The following CDK6 variants were observed in gnomAD, a reference collection of about 807,000 sequenced individuals.
The protein encoded by CDK6 is cyclin dependent kinase 6, also known as cyclin-dependent kinase 6.
A neutral mutation model predicts 37.1 loss-of-function variants in CDK6; 6 were observed. The observed-to-expected ratio is 0.16, with a 90% CI of 0.09 to 0.32. CDK6 has a LOEUF of 0.32. Among genes scored for constraint, CDK6 ranks in the 10% least tolerant of loss-of-function variants. The probability of loss-of-function intolerance (pLI) is 1.00; values close to 1 mark genes in which losing one functional copy is unlikely to be tolerated. For synonymous variants in CDK6, 160 were observed against 161.3 expected, an observed-to-expected ratio of 0.99 and a Z score of 0.06; for missense variants, 224 against 418.9, an observed-to-expected ratio of 0.53 and a Z score of 4.06.
At chr7:92,825,398 C>T (rs775864159) in intron 2 of CDK6, among the ~76,000 whole-genome samples, 5 of 152,012 alleles carry the variant, frequency 3.3e-5, no homozygotes. Flanking sequence ...CTGCAAGGAA[C>T]AAGACAACAC....
rs934266381 is a variant in CDK6, at chr7:92,835,971, CGTGGAGGGGAAG to C, written c.-368+495_-368+506del. On this transcript the variant is annotated intron_variant, in intron 1 of 7. Coordinates refer to ENST00000424848, the MANE Select transcript of CDK6 (RefSeq NM_001145306.2). The surrounding 1 kb of genome is among the most constrained non-coding windows in gnomAD (Gnocchi z 4.2). ...AGGAAGCCTGCGTTAACATTTATCT[CGTGGAGGGGAAG>C]GTGGAGCCCACACCCACACCTCAGC... Among the ~76,000 whole-genome samples the C allele has an allele frequency of 7.9e-5, 12 of 152,312 alleles. No homozygotes were observed. Among genetic ancestry groups the C allele is most frequent in the African/African-American group, 1.9e-4 (8 of 41,570 alleles).
At chr7:92,750,440 G>A (rs902325011) in intron 3 of CDK6, among the ~76,000 whole-genome samples, 4 of 152,132 alleles carry the variant, frequency 2.6e-5, no homozygotes, top group Non-Finnish European at 5.9e-5. Flanking sequence ...TCCAGTTTTG[G>A]TTACAATCCT....
At chr7:92,695,854 C>T (rs976439518) in intron 4 of CDK6, among the ~76,000 whole-genome samples, 3 of 152,174 alleles carry the variant, frequency 2.0e-5, no homozygotes, top group Admixed American at 6.5e-5. Flanking sequence ...GCAGCTCTCA[C>T]GTTAACCCCT....
At chr7:92,816,012 A>G (rs1372977590) in intron 2 of CDK6, among the ~76,000 whole-genome samples, 1 of 152,174 alleles carries the variant, frequency 6.6e-6, no homozygotes, top group Non-Finnish European at 1.5e-5. Context: ...CCTCTCCCCA[A>G]CAACAAAAGA....
At position 92,833,537 on chromosome 7, in the gene CDK6, C is replaced by G. The variant is rs1238678325; in HGVS notation, c.-214G>C. The stretch of plus-strand genomic sequence containing the variant: ...CGCGGGGCTGGCGTAACCCTGGTGC[C>G]GCCGCCGCGAAACTCCGCCTGCAGA... On this transcript the variant is annotated 5_prime_UTR_variant, in exon 2 of 8. Coordinates refer to ENST00000424848, the MANE Select transcript of CDK6 (RefSeq NM_001145306.2). The surrounding 1 kb of genome is among the most constrained non-coding windows in gnomAD (Gnocchi z 6.1). The G allele has an allele frequency of 1.8e-6, 1 of 540,886 alleles. No individual in the cohort carries two copies. The highest frequency in any genetic ancestry group is 3.3e-5 in the East Asian group (1 of 30,682). 33.5% of individuals were successfully genotyped at this position (540,886 alleles called of 1,614,324 possible). A position where few individuals can be genotyped will look rare whatever the true frequency, so the allele number is the denominator to read the frequency against.
chr7:92,775,230 T>C (rs1799820790), intron 2 of CDK6, among the ~76,000 whole-genome samples: 1 of 152,228 alleles, frequency 6.6e-6, no homozygotes, highest in African/African-American at 2.4e-5. Context: ...AGATTGAGCA[T>C]CCTTTGGAGA....
intron 5 of CDK6, among the ~76,000 whole-genome samples, chr7:92,644,529 T>A (rs1488594160): frequency 6.6e-6 from 1 of 152,176 alleles, no homozygotes; most frequent in Non-Finnish European, 1.5e-5. Context: ...AACTACTGAA[T>A]AATTAACCCT....
intron 3 of CDK6, among the ~76,000 whole-genome samples, chr7:92,770,796 C>T (rs1253830499): frequency 6.6e-6 from 1 of 151,984 alleles, no homozygotes; most frequent in Non-Finnish European, 1.5e-5. Context: ...ATTAGAATAT[C>T]CTGAGTTTCA....
In CDK6 at chr7:92,612,262, T is replaced by C. The variant is rs536818722; in HGVS notation, c.*2878A>G. ...AAACATGATTTCAAATCTGTCACAA[T>C]ATTTTAACTTGCTATGAGCTGCTTC... On this transcript the variant is annotated 3_prime_UTR_variant, in exon 8 of 8. Coordinates refer to ENST00000424848, the MANE Select transcript of CDK6 (RefSeq NM_001145306.2). The C allele has an allele frequency of 8.6e-6, 2 of 233,154 alleles. No homozygotes were observed. Among genetic ancestry groups the C allele is most frequent in the South Asian group, 3.6e-4 (2 of 5,522 alleles). The allele number at this position is 233,154 out of a possible 1,614,324, so 14.4% of individuals were successfully genotyped here.
chr7:92,620,965 T>G (rs977337847), intron 6 of CDK6, among the ~76,000 whole-genome samples: 2 of 152,150 alleles, frequency 1.3e-5, no homozygotes, highest in African/African-American at 4.8e-5. Flanking sequence ...AAAATTTGGT[T>G]TCATGTCCAG....
At chr7:92,635,344 T>C (rs1562918723) in intron 5 of CDK6, among the ~76,000 whole-genome samples, 2 of 152,192 alleles carry the variant, frequency 1.3e-5, no homozygotes, top group African/African-American at 4.8e-5. Context: ...GAAAGGAGTA[T>C]AGACCAGGAG....
chr7:92,627,290 A>G (rs1795949399), intron 5 of CDK6, among the ~76,000 whole-genome samples: 1 of 152,102 alleles, frequency 6.6e-6, no homozygotes, highest in South Asian at 2.1e-4. Flanking sequence ...GCCTGGGACT[A>G]GGGGATTTGA....
intron 4 of CDK6, among the ~76,000 whole-genome samples, chr7:92,673,968 C>A (rs749658201): frequency 6.6e-6 from 1 of 151,756 alleles, no homozygotes; most frequent in East Asian, 1.9e-4. Context: ...TTAGTAGAGA[C>A]GGGGTTTCAC....
At chr7:92,736,146 A>G (rs1433531652) in intron 3 of CDK6, among the ~76,000 whole-genome samples, 1 of 152,012 alleles carries the variant, frequency 6.6e-6, no homozygotes, top group Non-Finnish European at 1.5e-5. Flanking sequence ...TGACCCCACA[A>G]AAAGATTTAA....
At chr7:92,716,391 AC>A (rs1264628201) in intron 4 of CDK6, among the ~76,000 whole-genome samples, 3 of 152,214 alleles carry the variant, frequency 2.0e-5, no homozygotes, top group African/African-American at 7.2e-5. Context: ...CTGTAGAGTT[AC>A]AGTTCATTCT....
chr7:92,782,654 A>G (rs1800022386), intron 2 of CDK6, among the ~76,000 whole-genome samples: 1 of 152,150 alleles, frequency 6.6e-6, no homozygotes, highest in Non-Finnish European at 1.5e-5. Context: ...GGGCCAGAAC[A>G]AGGGACAGTG....
At position 92,656,800 on chromosome 7, in the gene CDK6, T is replaced by A. The variant is rs917042092; in HGVS notation, c.647+14626A>T. Among the ~76,000 whole-genome samples, 32 of 152,274 alleles carry A rather than the reference T, an allele frequency of 2.1e-4. No individual in the cohort carries two copies. In the East Asian group the frequency reaches 5.0e-3, roughly 24 times the overall value. On this transcript the variant is annotated intron_variant, in intron 5 of 7. Transcript: ENST00000424848. ...TAGACTGGTAAGAACTGACTTTCCA[T>A]CCAGGACACAATTTTCCTTTAGAGT...
intron 3 of CDK6, among the ~76,000 whole-genome samples, chr7:92,733,160 A>T (rs147086212): frequency 6.6e-6 from 1 of 152,306 alleles, no homozygotes; most frequent in African/African-American, 2.4e-5. Context: ...TACAGACCCA[A>T]TGGGGCCTGT....
chr7:92,712,878 G>T (rs5885813), intron 4 of CDK6, among the ~76,000 whole-genome samples: 7,098 of 127,396 alleles, frequency 0.056, 112 homozygotes, highest in African/African-American at 0.092. Flanking sequence ...ATGTATGTAT[G>T]TATTTATTTA....
Sources: allele counts gnomAD v4.1 joint callset (sites outside exome capture counted in the v4.1 genomes callset), GRCh38; gene constraint gnomAD v4.1.1; non-coding constraint Gnocchi (gnomAD v3.1); transcripts MANE v1.5; gene names NCBI Gene and HGNC (gene_info 2026-07-23, HGNC 2026-07-21).